The following FREM3 variants were observed in gnomAD, a reference collection of about 807,000 sequenced individuals.
The protein encoded by FREM3 is FRAS1 related extracellular matrix 3.
FREM3 carries 105 observed loss-of-function variants against 129.1 expected under a neutral mutation model. That is an observed-to-expected ratio of 0.81 (90% CI 0.69 to 0.96). FREM3 has a LOEUF of 0.96. FREM3 is among the 40% of genes least tolerant of loss of function. The pLI is 0.00. For missense variants in FREM3, 2,593 were observed against 2,666.3 expected, an observed-to-expected ratio of 0.97 and a Z score of 0.61; for synonymous variants, 1,014 against 1,044.9, an observed-to-expected ratio of 0.97 and a Z score of 0.57.
intron 2 of FREM3, among the ~76,000 whole-genome samples, chr4:143,688,332 T>G (rs1429436927): frequency 6.6e-6 from 1 of 152,092 alleles, no homozygotes; most frequent in Non-Finnish European, 1.5e-5. Context: ...TCAAAAGACC[T>G]CTACAAGGAA....
intron 6 of FREM3, among the ~76,000 whole-genome samples, chr4:143,597,290 T>C (rs140485837): frequency 6.6e-6 from 1 of 152,254 alleles, no homozygotes; most frequent in East Asian, 1.9e-4. Context: ...GAAAGATACA[T>C]GTAAGCCAAC....
At chr4:143,691,252 A>G (rs961413828) in intron 2 of FREM3, among the ~76,000 whole-genome samples, 2 of 152,132 alleles carry the variant, frequency 1.3e-5, no homozygotes, top group Non-Finnish European at 2.9e-5. Context: ...TAAGAAGTGC[A>G]GTCTTGGCCC....
At chr4:143,634,235 A>G (rs1739195609) in intron 2 of FREM3, among the ~76,000 whole-genome samples, 1 of 152,198 alleles carries the variant, frequency 6.6e-6, no homozygotes, top group South Asian at 2.1e-4. Context: ...CAAAGGCAAG[A>G]CACGTAAATT....
At chr4:143,674,480 C>T (rs1019519376) in intron 2 of FREM3, among the ~76,000 whole-genome samples, 2 of 152,142 alleles carry the variant, frequency 1.3e-5, no homozygotes, top group African/African-American at 4.8e-5. Context: ...AAAACTGCAT[C>T]AACTGACAAG....
At chr4:143,645,008 A>G (rs189815155) in intron 2 of FREM3, 160 of 152,316 alleles carry the variant, frequency 1.1e-3, no homozygotes, top group African/African-American at 3.8e-3. Context: ...TGATAAAGCG[A>G]ACTGGGGATA....
chr4:143,654,884 AAAGT>A (rs1739573502), intron 2 of FREM3, among the ~76,000 whole-genome samples: 1 of 152,204 alleles, frequency 6.6e-6, no homozygotes, highest in Non-Finnish European at 1.5e-5. Context: ...GGTGAACTGT[AAAGT>A]AAGAGCATGT....
chr4:143,599,718 G>A (rs1459081610), intron 6 of FREM3, among the ~76,000 whole-genome samples: 1 of 152,072 alleles, frequency 6.6e-6, no homozygotes, highest in Non-Finnish European at 1.5e-5. Flanking sequence ...AAAAGAATGG[G>A]GAAATCCAGA....
In FREM3 at chr4:143,700,464, A is replaced by T. The variant is rs1381606345; in HGVS notation, c.212T>A (p.Val71Glu). 3 of 1,512,026 alleles carry T rather than the reference A, an allele frequency of 2.0e-6. No individual in the cohort carries two copies. In the East Asian group the frequency reaches 7.4e-5, roughly 37 times the overall value. The allele number at this position is 1,512,026 out of a possible 1,614,324, so 93.7% of individuals were successfully genotyped here. The change falls in exon 1 of 8, where the codon GTG becomes GAG. Residue 71 changes from valine (V) to glutamate (E), a missense_variant. This residue lies in a region of FREM3 where 2,276 missense variants were observed against 2,267.2 expected (regional missense o/e 1.00). Coordinates refer to ENST00000329798, the MANE Select transcript of FREM3 (RefSeq NM_001168235.2). ...GAGCCAAAGGGAACGACCCAGGGGC[A>T]CCCGGAGTCCAGGGTTGGCAATCAG... ...SVLIANPGLRVPLGRSLWLDP... is the reference protein window; with the variant it reads ...SVLIANPGLREPLGRSLWLDP...
chr4:143,615,162 T>A (rs577144801), intron 5 of FREM3, among the ~76,000 whole-genome samples: 31 of 152,304 alleles, frequency 2.0e-4, no homozygotes, highest in African/African-American at 7.0e-4. Context: ...TTTGGTTACT[T>A]TATGAGGTGG....
intron 2 of FREM3, among the ~76,000 whole-genome samples, chr4:143,665,569 A>G (rs569219842): frequency 1.3e-5 from 2 of 152,240 alleles, no homozygotes; most frequent in East Asian, 1.9e-4. Flanking sequence ...ATTGAGGACA[A>G]TCCTTTTCTG....
intron 5 of FREM3, 58 bp from the exon 6 acceptor site, chr4:143,611,585 A>G: frequency 6.8e-7 from 1 of 1,464,746 alleles, no homozygotes; most frequent in South Asian, 1.3e-5. Flanking sequence ...CCAAACAAGA[A>G]GCCTGTCTGT....
In FREM3 at chr4:143,700,461, G is replaced by A; in HGVS notation, c.215C>T (p.Pro72Leu). The part of the protein sequence containing the change: ...VLIANPGLRV[P>L]LGRSLWLDPL... The stretch of plus-strand genomic sequence containing the variant: ...GTCGAGCCAAAGGGAACGACCCAGG[G>A]GCACCCGGAGTCCAGGGTTGGCAAT... The change falls in exon 1 of 8, where the codon CCC becomes CTC. Residue 72 changes from proline (P) to leucine (L), a missense_variant. Transcript: ENST00000329798. 1 of 1,516,464 alleles carries A rather than the reference G, an allele frequency of 6.6e-7. No homozygotes were observed. Among genetic ancestry groups the A allele is most frequent in the African/African-American group, 1.4e-5 (1 of 72,770 alleles). The allele number at this position is 1,516,464 out of a possible 1,614,324, so 93.9% of individuals were successfully genotyped here. A position where few individuals can be genotyped will look rare whatever the true frequency, so the allele number is the denominator to read the frequency against.
At chr4:143,590,465 C>T (rs1738338060) in intron 6 of FREM3, among the ~76,000 whole-genome samples, 1 of 152,146 alleles carries the variant, frequency 6.6e-6, no homozygotes, top group Non-Finnish European at 1.5e-5. Flanking sequence ...TGAATTTTGT[C>T]AAAGGCCTTT....
intron 2 of FREM3, among the ~76,000 whole-genome samples, chr4:143,647,261 C>T (rs1044919048): frequency 2.0e-5 from 3 of 152,050 alleles, no homozygotes; most frequent in Non-Finnish European, 4.4e-5. Flanking sequence ...TTCTATGTGA[C>T]AAAGCATTCA....
intron 2 of FREM3, among the ~76,000 whole-genome samples, chr4:143,650,331 G>A (rs759872592): frequency 7.2e-5 from 11 of 152,152 alleles, no homozygotes; most frequent in Non-Finnish European, 1.2e-4. Context: ...ATTAAAAGCC[G>A]GATGCTATAC....
chr4:143,592,829 A>C (rs1016249751), intron 6 of FREM3, among the ~76,000 whole-genome samples: 1 of 152,124 alleles, frequency 6.6e-6, no homozygotes. Flanking sequence ...TATCCTGCAG[A>C]GTGTTTTCCA....
intron 2 of FREM3, among the ~76,000 whole-genome samples, chr4:143,690,197 A>C (rs182799014): frequency 6.6e-6 from 1 of 152,276 alleles, no homozygotes; most frequent in African/African-American, 2.4e-5. Context: ...CCTCATAATA[A>C]TTCTAAGGAA....
At chr4:143,647,615 G>A (rs1299686124) in intron 2 of FREM3, among the ~76,000 whole-genome samples, 1 of 152,204 alleles carries the variant, frequency 6.6e-6, no homozygotes, top group Admixed American at 6.5e-5. Flanking sequence ...ATACAGCGCA[G>A]GCCATTGCTT....
intron 5 of FREM3, among the ~76,000 whole-genome samples, chr4:143,619,305 C>A (rs1738907113): frequency 6.6e-6 from 1 of 152,204 alleles, no homozygotes; most frequent in African/African-American, 2.4e-5. Context: ...CTTTAGAAGA[C>A]CCTGCTTTCT....
Sources: allele counts gnomAD v4.1 joint callset (sites outside exome capture counted in the v4.1 genomes callset), GRCh38; gene constraint gnomAD v4.1.1; regional missense constraint gnomAD v4.1.1; transcripts MANE v1.5; gene names NCBI Gene and HGNC (gene_info 2026-07-23, HGNC 2026-07-21).